DYNC2H1: variants seen among roughly 807,000 people sequenced by gnomAD.
The protein encoded by DYNC2H1 is cytoplasmic dynein 2 heavy chain 1.
In DYNC2H1, 410 loss-of-function variants were observed where a neutral mutation model predicts 570.0. The observed-to-expected ratio is 0.72, with a 90% CI of 0.66 to 0.78. DYNC2H1 has a LOEUF of 0.78. Among genes scored for constraint, DYNC2H1 ranks in the 30% least tolerant of loss-of-function variants. DYNC2H1 has a pLI of 0.00. For missense variants in DYNC2H1, 4,865 were observed against 5,046.4 expected, an observed-to-expected ratio of 0.96 and a Z score of 1.09; for synonymous variants, 1,688 against 1,677.6, an observed-to-expected ratio of 1.01 and a Z score of -0.15.
rs980481349 is a variant in DYNC2H1 at position 103,275,995 on chromosome 11, G to T, written c.10696-4353G>T. Among the ~76,000 whole-genome samples, 3 of 152,144 alleles carry T rather than the reference G, an allele frequency of 2.0e-5. No homozygotes were observed. Among genetic ancestry groups the T allele is most frequent in the Non-Finnish European group, 2.9e-5 (2 of 68,030 alleles). On this transcript the variant is annotated intron_variant, in intron 70 of 88. Coordinates refer to ENST00000375735, the MANE Select transcript of DYNC2H1 (RefSeq NM_001377.3). This position sits in a 1 kb window ranked among gnomAD's most constrained non-coding sequence, Gnocchi z 4.8. The stretch of plus-strand genomic sequence containing the variant: ...GCATTCCTGCCAGCAATTAATGAGG[G>T]TTTCTGTTGCTCAACATCCTTACCA...
intron 75 of DYNC2H1, among the ~76,000 whole-genome samples, chr11:103,295,022 T>C (rs1313263038): frequency 6.6e-6 from 1 of 152,260 alleles, no homozygotes; most frequent in East Asian, 1.9e-4. Context: ...GTGATGCAAG[T>C]ACTCTTGTGG....
At chr11:103,197,172 C>T (rs562775872) in intron 47 of DYNC2H1, among the ~76,000 whole-genome samples, 18 of 151,756 alleles carry the variant, frequency 1.2e-4, no homozygotes, top group Non-Finnish European at 2.5e-4. Context: ...GGTATTAATA[C>T]ATCTATGTCC....
chr11:103,113,279 T>G (rs1247109394), intron 1 of DYNC2H1, among the ~76,000 whole-genome samples: 1 of 152,088 alleles, frequency 6.6e-6, no homozygotes, highest in East Asian at 1.9e-4. Context: ...ATGGAATAGT[T>G]AGCAGTCAAC....
intron 48 of DYNC2H1, 81 bp downstream of exon 48, chr11:103,198,144 C>A: frequency 7.0e-7 from 1 of 1,423,776 alleles, no homozygotes; most frequent in Non-Finnish European, 9.5e-7. Context: ...ATTTAGAGGG[C>A]ATGAATATGA....
At position 103,264,479 on chromosome 11, in the gene DYNC2H1, C is replaced by T. The variant is rs369702655; in HGVS notation, c.10695+4502C>T. Among the ~76,000 whole-genome samples the T allele has an allele frequency of 5.3e-5, 8 of 152,260 alleles. No homozygotes were observed. In the East Asian group the frequency reaches 1.5e-3, roughly 29 times the overall value. ...CAATAAAATATTGGCAAACCGAATC[C>T]AGCAGCACATCAAAAAGCTTATCCA... On this transcript the variant is annotated intron_variant, in intron 70 of 88. Transcript: ENST00000375735. This position sits in a 1 kb window ranked among gnomAD's most constrained non-coding sequence, Gnocchi z 4.8.
At chr11:103,382,026 A>G (rs1308745424) in intron 83 of DYNC2H1, among the ~76,000 whole-genome samples, 1 of 152,180 alleles carries the variant, frequency 6.6e-6, no homozygotes, top group African/African-American at 2.4e-5. Flanking sequence ...CAAAGAATCT[A>G]ATCTTCTTTA....
chr11:103,453,000 C>A (rs962944900), intron 85 of DYNC2H1, among the ~76,000 whole-genome samples: 2 of 151,960 alleles, frequency 1.3e-5, no homozygotes, highest in Non-Finnish European at 2.9e-5. Flanking sequence ...GCCTGTGATT[C>A]TAAGTGTTTG....
At chr11:103,302,248 T>C (rs996164054) in intron 75 of DYNC2H1, among the ~76,000 whole-genome samples, 13 of 152,108 alleles carry the variant, frequency 8.5e-5, no homozygotes, top group African/African-American at 3.1e-4. Flanking sequence ...TTAGTTTTCT[T>C]ACCTATAAAA....
At chr11:103,457,464 G>T (rs1163186771) in intron 87 of DYNC2H1, among the ~76,000 whole-genome samples, 1 of 151,990 alleles carries the variant, frequency 6.6e-6, no homozygotes, top group Non-Finnish European at 1.5e-5. Flanking sequence ...TAATGATCCT[G>T]ACCCTGTGGG....
At chr11:103,440,437 T>C (rs1173509475) in intron 85 of DYNC2H1, among the ~76,000 whole-genome samples, 1 of 152,172 alleles carries the variant, frequency 6.6e-6, no homozygotes, top group East Asian at 1.9e-4. Context: ...GTTTTTTTGC[T>C]GAACTCAAGC....
At chr11:103,351,316 T>C (rs182984061) in intron 82 of DYNC2H1, among the ~76,000 whole-genome samples, 1 of 152,326 alleles carries the variant, frequency 6.6e-6, no homozygotes, top group East Asian at 1.9e-4. Context: ...CATGTCCTTT[T>C]GAAGTCTAGG....
rs1420339779 is a variant in DYNC2H1 at position 103,245,394 on chromosome 11, CA to C, written c.10042+21del. 1.3e-6 allele frequency: 2 copies of C among 1,555,358 alleles called. No homozygotes were observed. The highest frequency in any genetic ancestry group is 2.3e-5 in the East Asian group (1 of 42,824). ...CTCAAGGTAAATAATTGACACTTTCCAGAGTGTAAATATTTTTAAAATTTCC... is the reference window on the plus strand; with the variant it reads ...CTCAAGGTAAATAATTGACACTTTCCGAGTGTAAATATTTTTAAAATTTCC... On this transcript the variant is annotated intron_variant, in intron 65 of 88. Coordinates refer to ENST00000375735, the MANE Select transcript of DYNC2H1 (RefSeq NM_001377.3). This position sits in a 1 kb window ranked among gnomAD's most constrained non-coding sequence, Gnocchi z 4.5.
chr11:103,143,379 G>T lies in DYNC2H1; in HGVS notation c.2686G>T (p.Val896Leu), dbSNP rs764028036. The change falls in exon 18 of 89, where the codon GTA becomes TTA. Residue 896 changes from valine (V) to leucine (L), a missense_variant. Around this residue, in one of 5 missense-constraint regions of DYNC2H1, gnomAD observed 1,936 missense variants for 1,962.1 expected, o/e 0.99. Transcript: ENST00000375735. ...AGCATTAAAAATAAAGGGGAAAGAA[G>T]TAGAACGACTTCCAAGGTATTGGAG... ...FKALKIKGKE[V>L]ERLPSAVKVD... 19 of 1,610,358 alleles carry T rather than the reference G, an allele frequency of 1.2e-5. No homozygotes were observed. The East Asian group carries it at 1.6e-4, about 13-fold the overall frequency.
rs1866975291 is a variant in DYNC2H1 at position 103,299,864 on chromosome 11, A to G, written c.11096-3229A>G. 1.3e-5 allele frequency among the ~76,000 whole-genome samples: 2 copies of G among 152,034 alleles called. No individual in the cohort carries two copies. Among genetic ancestry groups the G allele is most frequent in the Admixed American group, 1.3e-4 (2 of 15,242 alleles). On this transcript the variant is annotated intron_variant, in intron 75 of 88. Coordinates refer to ENST00000375735, the MANE Select transcript of DYNC2H1 (RefSeq NM_001377.3). This position sits in a 1 kb window ranked among gnomAD's most constrained non-coding sequence, Gnocchi z 4.5. Reference sequence around the variant, plus strand: ...TCTTTAGAATTCTGCCTACCACAATATATTTGACATTTTTACTTGTTTCTA... The same window carrying G: ...TCTTTAGAATTCTGCCTACCACAATGTATTTGACATTTTTACTTGTTTCTA...
Position 103,286,271 on chromosome 11 carries a change from T to C in DYNC2H1, c.10907T>C (p.Leu3636Pro). 1 of 1,613,724 alleles carries C rather than the reference T, an allele frequency of 6.2e-7. No individual in the cohort carries two copies. Among genetic ancestry groups the C allele is most frequent in the Non-Finnish European group, 8.5e-7 (1 of 1,179,774 alleles). Residue 3636 changes from leucine (L) to proline (P), a missense_variant, in exon 74 of 89, where the codon CTT becomes CCT. Around this residue, in one of 5 missense-constraint regions of DYNC2H1, gnomAD observed 2,401 missense variants for 2,454.6 expected, o/e 0.98. Transcript: ENST00000375735. Reference protein sequence around the residue: ...VATLKIALPSLYQTLCFEDAA... With the variant: ...VATLKIALPSPYQTLCFEDAA... ...ATTTTTTAGATTGCTCTCCCCAGTC[T>C]TTATCAGACCCTCTGCTTTGAAGAT...
At position 103,359,544 on chromosome 11, in the gene DYNC2H1, A is replaced by C. The variant is rs74683092; in HGVS notation, c.12156+1185A>C. Reference sequence around the variant, plus strand: ...ACTTTTTTCGATTATTATGTAAAGAAGACTATACGAATGACTTCAAAGGCT... The same window carrying C: ...ACTTTTTTCGATTATTATGTAAAGACGACTATACGAATGACTTCAAAGGCT... On this transcript the variant is annotated intron_variant, in intron 83 of 88. Coordinates refer to ENST00000375735, the MANE Select transcript of DYNC2H1 (RefSeq NM_001377.3). Among the ~76,000 whole-genome samples, 1,435 of 152,302 alleles carry C rather than the reference A, an allele frequency of 9.4e-3. 20 individuals are homozygous for C. Among genetic ancestry groups the C allele is most frequent in the African/African-American group, 0.033 (1,357 of 41,550 alleles).
intron 87 of DYNC2H1, among the ~76,000 whole-genome samples, chr11:103,464,130 A>G (rs1022033449): frequency 6.6e-6 from 1 of 152,240 alleles, no homozygotes; most frequent in African/African-American, 2.4e-5. Context: ...TTTTATAGAA[A>G]AATCTGACAA....
chr11:103,163,835 T>G lies in DYNC2H1; in HGVS notation c.4611+688T>G, dbSNP rs928834846. On this transcript the variant is annotated intron_variant, in intron 30 of 88. Transcript: ENST00000375735. This position sits in a 1 kb window ranked among gnomAD's most constrained non-coding sequence, Gnocchi z 4.6. The stretch of plus-strand genomic sequence containing the variant: ...TTTCATGATTTCTTACAGAAAAATC[T>G]ACCCAGCAGCTCTCAAAGTTATTTG... Among the ~76,000 whole-genome samples the G allele has an allele frequency of 6.6e-6, 1 of 152,190 alleles. No homozygotes were observed. Among genetic ancestry groups the G allele is most frequent in the African/African-American group, 2.4e-5 (1 of 41,450 alleles).
chr11:103,426,236 C>T (rs608945), intron 84 of DYNC2H1, among the ~76,000 whole-genome samples: 27,002 of 152,136 alleles, frequency 0.18, 2,645 homozygotes, highest in Admixed American at 0.25. Context: ...CAATGCTTAT[C>T]ACTGGCTTGC....
Sources: gnomAD v4.1 joint callset for allele counts (sites outside exome capture counted in the v4.1 genomes callset) on GRCh38, gnomAD v4.1.1 for gene constraint, gnomAD v4.1.1 regional missense constraint, Gnocchi (gnomAD v3.1) non-coding constraint, MANE v1.5 for transcripts, NCBI Gene and HGNC (gene_info 2026-07-23, HGNC 2026-07-21) for gene names.